Variants in HNF4G observed in about 807,000 individuals in gnomAD.
HNF4G encodes hepatocyte nuclear factor 4-gamma.
A neutral mutation model predicts 50.9 loss-of-function variants in HNF4G; 21 were observed. The ratio of observed to expected loss-of-function variants is 0.41; its 90% CI spans 0.29 to 0.59. HNF4G has a LOEUF of 0.59. HNF4G is among the 20% of genes least tolerant of loss of function. The pLI is 0.26. For synonymous variants in HNF4G, 198 were observed against 185.6 expected, an observed-to-expected ratio of 1.07 and a Z score of -0.54; for missense variants, 527 against 559.4, an observed-to-expected ratio of 0.94 and a Z score of 0.58.
chr8:75,470,732 TC>T (rs999162920), intron 1 of HNF4G, among the ~76,000 whole-genome samples: 2 of 152,212 alleles, frequency 1.3e-5, no homozygotes, highest in Non-Finnish European at 2.9e-5. Flanking sequence ...TGACATTGTG[TC>T]AAGGCAATAG....
chr8:75,423,104 C>T (rs918345364), intron 1 of HNF4G, among the ~76,000 whole-genome samples: 5 of 152,028 alleles, frequency 3.3e-5, no homozygotes, highest in Non-Finnish European at 7.4e-5. Context: ...CTTCCTTGAC[C>T]TCCTATTCCA....
chr8:75,441,215 A>G (rs929017411), intron 1 of HNF4G, among the ~76,000 whole-genome samples: 2 of 149,130 alleles, frequency 1.3e-5, no homozygotes, highest in African/African-American at 2.5e-5. Flanking sequence ...CAAATTTTTA[A>G]TTTTTAATTT....
intron 1 of HNF4G, among the ~76,000 whole-genome samples, chr8:75,441,524 T>G (rs554117081): frequency 3.3e-5 from 5 of 152,268 alleles, no homozygotes; most frequent in Non-Finnish European, 7.4e-5. Flanking sequence ...GGATTACAGA[T>G]GTGAGCCACC....
chr8:75,491,438 A>T (rs1812626318), intron 2 of HNF4G, among the ~76,000 whole-genome samples: 1 of 152,130 alleles, frequency 6.6e-6, no homozygotes, highest in South Asian at 2.1e-4. Flanking sequence ...AGAAGCACAA[A>T]AACACACTTC....
intron 1 of HNF4G, among the ~76,000 whole-genome samples, chr8:75,431,298 G>A (rs1811009958): frequency 6.6e-6 from 1 of 152,278 alleles, no homozygotes; most frequent in South Asian, 2.1e-4. Flanking sequence ...GATGTTTAAA[G>A]TGATAATAGT....
intron 1 of HNF4G, among the ~76,000 whole-genome samples, chr8:75,436,710 C>G (rs1422655035): frequency 6.6e-6 from 1 of 152,144 alleles, no homozygotes; most frequent in East Asian, 1.9e-4. Flanking sequence ...TAAAAAGAAG[C>G]AAAGCTGTAA....
intron 1 of HNF4G, among the ~76,000 whole-genome samples, chr8:75,433,659 A>G (rs1160672398): frequency 1.3e-5 from 2 of 152,110 alleles, no homozygotes; most frequent in Non-Finnish European, 2.9e-5. Context: ...TCAGCCTCCC[A>G]AAGTGCTGGG....
rs542246055 is a variant in HNF4G at position 75,466,570 on chromosome 8, CTCCTTCCT to C, written c.-143-23460_-143-23453del. On this transcript the variant is annotated intron_variant, in intron 1 of 10. Transcript: ENST00000354370. ...CTCCTTCTTCTCTTCTCTTTTCTCG[CTCCTTCCT>C]TCCTTCCTTCCTTCCTTCCTTCCTT... 8.9e-3 allele frequency among the ~76,000 whole-genome samples: 580 copies of C among 64,870 alleles called. 26 individuals are homozygous for C. The highest frequency in any genetic ancestry group is 0.015 in the Admixed American group (69 of 4,758). 42.6% of individuals were successfully genotyped at this position (64,870 alleles called of 152,430 possible).
In HNF4G at chr8:75,503,049, ATAT is replaced by A. The variant is rs1812973035; in HGVS notation, c.-24+12847_-24+12849del. Among the ~76,000 whole-genome samples, 3 of 152,174 alleles carry A rather than the reference ATAT, an allele frequency of 2.0e-5. No homozygotes were observed. The South Asian group carries it at 6.2e-4, about 32-fold the overall frequency. ...TACATAGTATCTACAAAATTGTGAG[ATAT>A]TATTAGGAAGGGCAGCAGGGGGTTC... On this transcript the variant is annotated intron_variant, in intron 2 of 10. Coordinates refer to the HNF4G transcript ENST00000354370.
intron 2 of HNF4G, among the ~76,000 whole-genome samples, chr8:75,501,468 G>A (rs1359145740): frequency 6.6e-6 from 1 of 152,166 alleles, no homozygotes; most frequent in East Asian, 1.9e-4. Flanking sequence ...GTAACATTTG[G>A]TACATAATAG....
chr8:75,534,575 C>T lies in HNF4G; in HGVS notation c.-23-9236C>T, dbSNP rs115729140. Among the ~76,000 whole-genome samples the T allele has an allele frequency of 8.7e-3, 1,316 of 151,808 alleles. 12 individuals carry two copies. The highest frequency in any genetic ancestry group is 0.028 in the African/African-American group (1,177 of 41,500). ...TATTTGTATAACTAGTTTTAAATAA[C>T]GTAGTGTTTTAATATGCAAATAAAA... On this transcript the variant is annotated intron_variant, in intron 2 of 10. Transcript: ENST00000354370.
chr8:75,435,023 T>C (rs1022050870), intron 1 of HNF4G, among the ~76,000 whole-genome samples: 1 of 152,138 alleles, frequency 6.6e-6, no homozygotes, highest in Non-Finnish European at 1.5e-5. Context: ...CTTTAACTCT[T>C]TAAAAGAACA....
Position 75,424,091 on chromosome 8 carries a change from G to C in HNF4G, c.-144+15929G>C, listed in dbSNP as rs1810839622. ...CTGCCTCGGCCTCCCAAAGTGCTGA[G>C]ATTACAGGCGTGAGCCACCGCACCC... On this transcript the variant is annotated intron_variant, in intron 1 of 10. Transcript: ENST00000354370. Among the ~76,000 whole-genome samples the C allele has an allele frequency of 5.9e-5, 9 of 152,180 alleles. No homozygotes were observed. The South Asian group carries it at 1.9e-3, about 32-fold the overall frequency.
rs535435739 is a variant in HNF4G, at chr8:75,546,860, A to G, written c.288-727A>G. Among the ~76,000 whole-genome samples the G allele has an allele frequency of 3.3e-5, 5 of 152,240 alleles. No individual in the cohort carries two copies. The East Asian group carries it at 9.7e-4, about 29-fold the overall frequency. ...TATGAAGAAGTTTTTATGTGTACATATGTTTCATTTCTCTGCATACAGACC... is the reference window on the plus strand; with the variant it reads ...TATGAAGAAGTTTTTATGTGTACATGTGTTTCATTTCTCTGCATACAGACC... On this transcript the variant is annotated intron_variant, in intron 2 of 9. Coordinates refer to ENST00000396423, the MANE Select transcript of HNF4G (RefSeq NM_004133.5).
chr8:75,483,423 C>T (rs1423344558), intron 1 of HNF4G, among the ~76,000 whole-genome samples: 1 of 152,098 alleles, frequency 6.6e-6, no homozygotes, highest in Non-Finnish European at 1.5e-5. Context: ...AAAGTGTTCT[C>T]TTGTTAAAAA....
intron 1 of HNF4G, among the ~76,000 whole-genome samples, chr8:75,478,742 G>C (rs1047152906): frequency 1.3e-5 from 2 of 152,048 alleles, no homozygotes; most frequent in South Asian, 2.1e-4. Context: ...TTTTGAGATG[G>C]AGTTTAGCTC....
chr8:75,542,845 T>A (rs974235663), intron 1 of HNF4G, among the ~76,000 whole-genome samples: 1 of 152,088 alleles, frequency 6.6e-6, no homozygotes, highest in Non-Finnish European at 1.5e-5. Context: ...AGAGGAAAGA[T>A]GATGGTTGAT....
intron 1 of HNF4G, among the ~76,000 whole-genome samples, chr8:75,474,886 C>G (rs534975707): frequency 2.0e-5 from 3 of 151,902 alleles, no homozygotes; most frequent in Non-Finnish European, 2.9e-5. Flanking sequence ...TTAGTAGATA[C>G]GAGGTGTCAC....
chr8:75,426,152 C>A (rs1810886638), intron 1 of HNF4G, among the ~76,000 whole-genome samples: 1 of 152,122 alleles, frequency 6.6e-6, no homozygotes, highest in Admixed American at 6.5e-5. Context: ...ACTGTACATG[C>A]AACTATATAA....
Sources: allele counts gnomAD v4.1 joint callset (sites outside exome capture counted in the v4.1 genomes callset), GRCh38; gene constraint gnomAD v4.1.1; transcripts MANE v1.5; gene names NCBI Gene and HGNC (gene_info 2026-07-23, HGNC 2026-07-21).